The following CDC42SE2 variants were observed in gnomAD, a reference collection of about 807,000 sequenced individuals.
The protein encoded by CDC42SE2 is CDC42 small effector protein 2.
Under a neutral mutation model 11.5 loss-of-function variants are expected in CDC42SE2, and 3 were observed. The observed-to-expected ratio is 0.26, with a 90% CI of 0.12 to 0.67. The LOEUF is 0.67. CDC42SE2 is among the 30% of genes least tolerant of loss of function. CDC42SE2 has a pLI of 0.80. For missense variants in CDC42SE2, 82 were observed against 106.8 expected, an observed-to-expected ratio of 0.77 and a Z score of 1.02; for synonymous variants, 33 against 34.8, an observed-to-expected ratio of 0.95 and a Z score of 0.18.
intron 1 of CDC42SE2, among the ~76,000 whole-genome samples, chr5:131,276,215 G>A (rs1320375792): frequency 6.6e-6 from 1 of 150,892 alleles, no homozygotes; most frequent in Admixed American, 6.6e-5. Flanking sequence ...GGGAGGCTGA[G>A]GTGAGTGGAT....
chr5:131,215,749 A>G, the CDC42SE2 span, among the ~76,000 whole-genome samples: 1 of 152,230 alleles, frequency 6.6e-6, no homozygotes, highest in African/African-American at 2.4e-5. Flanking sequence ...AAGTTTCCAG[A>G]AAAGATTTAG....
At chr5:131,359,696 T>C (rs528390972) in intron 3 of CDC42SE2, 149 bp downstream of exon 3, 2 of 684,012 alleles carry the variant, frequency 2.9e-6, no homozygotes, top group African/African-American at 1.8e-5. Context: ...CGAACATATG[T>C]TTAAAAAGAA....
At chr5:131,386,372 T>C (rs561995279) in intron 4 of CDC42SE2, among the ~76,000 whole-genome samples, 8 of 152,374 alleles carry the variant, frequency 5.3e-5, no homozygotes, top group Middle Eastern at 3.4e-3. Flanking sequence ...TTGGGACCCC[T>C]GTTATAAACT....
At chr5:131,311,634 G>C (rs1757916628) in intron 1 of CDC42SE2, among the ~76,000 whole-genome samples, 1 of 152,152 alleles carries the variant, frequency 6.6e-6, no homozygotes, top group South Asian at 2.1e-4. Flanking sequence ...TGAAGACTTT[G>C]CTCGTTTCTT....
At position 131,338,694 on chromosome 5, in the gene CDC42SE2, G is replaced by A. The variant is rs545275090; in HGVS notation, c.-285-20515G>A. ...AGAACATACAAAGATTAAGTAACTTGCCCAAGATCCTAGAGATACTGAGCG... is the reference window on the plus strand; with the variant it reads ...AGAACATACAAAGATTAAGTAACTTACCCAAGATCCTAGAGATACTGAGCG... On this transcript the variant is annotated intron_variant, in intron 2 of 4. Coordinates refer to ENST00000505065, the MANE Select transcript of CDC42SE2 (RefSeq NM_001375635.1). Among the ~76,000 whole-genome samples, 6 of 152,218 alleles carry A rather than the reference G, an allele frequency of 3.9e-5. No homozygotes were observed. The South Asian group carries it at 1.2e-3, about 32-fold the overall frequency.
At chr5:131,385,001 A>G (rs555185267) in intron 3 of CDC42SE2, among the ~76,000 whole-genome samples, 6 of 151,780 alleles carry the variant, frequency 4.0e-5, no homozygotes, top group South Asian at 4.2e-4. Flanking sequence ...AGAACAGACC[A>G]GAGAAGAGTG....
chr5:131,264,286 C>G (rs1177929202), intron 1 of CDC42SE2, 120 bp downstream of exon 1: 3 of 152,254 alleles, frequency 2.0e-5, no homozygotes, highest in African/African-American at 4.8e-5. Context: ...GAGCGCGGCC[C>G]GGCCTTGCCA....
chr5:131,273,860 C>G (rs1757046429), intron 1 of CDC42SE2, among the ~76,000 whole-genome samples: 1 of 152,014 alleles, frequency 6.6e-6, no homozygotes, highest in South Asian at 2.1e-4. Flanking sequence ...TCACTGTGGC[C>G]TTGACCTCCC....
At chr5:131,300,652 G>A (rs565825984) in intron 1 of CDC42SE2, among the ~76,000 whole-genome samples, 4 of 152,066 alleles carry the variant, frequency 2.6e-5, no homozygotes, top group South Asian at 2.1e-4. Flanking sequence ...GCGTGGTGGC[G>A]GGTGCCTGTA....
chr5:131,382,002 C>T (rs936111149), intron 3 of CDC42SE2, among the ~76,000 whole-genome samples: 10 of 152,146 alleles, frequency 6.6e-5, no homozygotes, highest in African/African-American at 2.2e-4. Flanking sequence ...CCTTGGGGAG[C>T]GAAGGACTGA....
intron 2 of CDC42SE2, among the ~76,000 whole-genome samples, chr5:131,334,834 G>T (rs574585667): frequency 1.8e-4 from 28 of 151,448 alleles, no homozygotes; most frequent in Non-Finnish European, 2.5e-4. Flanking sequence ...TTTTTTATTG[G>T]GTCTATTTGA....
At chr5:131,353,952 C>G (rs1749455899) in intron 2 of CDC42SE2, among the ~76,000 whole-genome samples, 2 of 150,970 alleles carry the variant, frequency 1.3e-5, no homozygotes, top group Non-Finnish European at 3.0e-5. Context: ...ATACAAATTG[C>G]ATAGTGGCCA....
At chr5:131,319,207 C>G (rs79205911) in intron 2 of CDC42SE2, among the ~76,000 whole-genome samples, 162 of 152,094 alleles carry the variant, frequency 1.1e-3, no homozygotes, top group African/African-American at 3.5e-3. Context: ...GGAGAAAGGT[C>G]GATATGACTT....
the CDC42SE2 span, among the ~76,000 whole-genome samples, chr5:131,218,450 T>G: frequency 6.6e-6 from 1 of 152,294 alleles, no homozygotes; most frequent in Non-Finnish European, 1.5e-5. Context: ...GAATACAAAT[T>G]GGTACAACTT....
chr5:131,333,865 T>C lies in CDC42SE2; in HGVS notation c.-286+17721T>C, dbSNP rs573028562. 1.1e-3 allele frequency among the ~76,000 whole-genome samples: 160 copies of C among 152,346 alleles called. 1 individual carries two copies. The highest frequency in any genetic ancestry group is 3.3e-3 in the African/African-American group (138 of 41,576). The stretch of plus-strand genomic sequence containing the variant: ...TTATCAGCTTAAGGAGATTTTGGGC[T>C]GAGATGATGGGGTTTTCTAGATATA... On this transcript the variant is annotated intron_variant, in intron 2 of 4. Coordinates refer to ENST00000505065, the MANE Select transcript of CDC42SE2 (RefSeq NM_001375635.1).
intron 3 of CDC42SE2, among the ~76,000 whole-genome samples, chr5:131,369,178 C>G (rs1749945666): frequency 6.6e-6 from 1 of 152,152 alleles, no homozygotes. Flanking sequence ...TAAATGGAGT[C>G]ATTACTGGTT....
intron 2 of CDC42SE2, among the ~76,000 whole-genome samples, chr5:131,328,318 C>CT (rs1168366850): frequency 2.6e-5 from 4 of 151,954 alleles, no homozygotes; most frequent in South Asian, 2.1e-4. Context: ...TTACTGTGTT[C>CT]TTTTTTTTCC....
intron 2 of CDC42SE2, among the ~76,000 whole-genome samples, chr5:131,330,987 T>C (rs554153090): frequency 2.6e-5 from 4 of 152,116 alleles, no homozygotes; most frequent in Non-Finnish European, 5.9e-5. Context: ...GATTGCACCA[T>C]TGCCCTGCAG....
In CDC42SE2 at chr5:131,393,031, G is replaced by GC. The variant is rs1241298754; in HGVS notation, c.*1940_*1941insC. On this transcript the variant is annotated 3_prime_UTR_variant, in exon 5 of 5. Coordinates refer to ENST00000505065, the MANE Select transcript of CDC42SE2 (RefSeq NM_001375635.1). Reference sequence around the variant, plus strand: ...GTATATTTCAAATATTTCTGTAAAGGTTTCTTCTTTTCTGTTAGAGTGTGG... The same window carrying GC: ...GTATATTTCAAATATTTCTGTAAAGGCTTTCTTCTTTTCTGTTAGAGTGTGG... The GC allele has an allele frequency of 6.6e-6, 1 of 152,234 alleles. No individual in the cohort carries two copies. Among genetic ancestry groups the GC allele is most frequent in the Non-Finnish European group, 1.5e-5 (1 of 68,034 alleles). 9.4% of individuals were successfully genotyped at this position (152,234 alleles called of 1,614,324 possible).
Sources: allele counts gnomAD v4.1 joint callset (sites outside exome capture counted in the v4.1 genomes callset), GRCh38; gene constraint gnomAD v4.1.1; transcripts MANE v1.5; gene names NCBI Gene and HGNC (gene_info 2026-07-23, HGNC 2026-07-21).